ABCC1: variants seen among roughly 807,000 people sequenced by gnomAD.
ABCC1 encodes the protein ATP binding cassette subfamily C member 1 (ABCC1 blood group).
A neutral mutation model predicts 172.9 loss-of-function variants in ABCC1; 83 were observed. That is an observed-to-expected ratio of 0.48 (90% CI 0.40 to 0.58). ABCC1 has a LOEUF of 0.58. ABCC1 is among the 20% of genes least tolerant of loss of function. The pLI is 0.00. For missense variants in ABCC1, 1,817 were observed against 2,002.7 expected, an observed-to-expected ratio of 0.91 and a Z score of 1.77; for synonymous variants, 937 against 825.2, an observed-to-expected ratio of 1.14 and a Z score of -2.32.
At chr16:16,130,131 G>A (rs536917461) in intron 26 of ABCC1, among the ~76,000 whole-genome samples, 8 of 152,306 alleles carry the variant, frequency 5.3e-5, no homozygotes, top group African/African-American at 1.9e-4. Context: ...CTGTGTCTCA[G>A]TCTCCTTGTG....
chr16:16,106,001 C>T (rs1253949228), intron 20 of ABCC1, among the ~76,000 whole-genome samples: 1 of 151,862 alleles, frequency 6.6e-6, no homozygotes, highest in Non-Finnish European at 1.5e-5. Flanking sequence ...CTCAACCTCC[C>T]AAGTAGTTGG....
intron 1 of ABCC1, among the ~76,000 whole-genome samples, chr16:15,982,155 C>T (rs2046635984): frequency 6.6e-6 from 1 of 152,160 alleles, no homozygotes. Flanking sequence ...CTCTTCTGAG[C>T]CCTCCAAACT....
At chr16:16,073,471 G>A (rs1036587650) in intron 14 of ABCC1, among the ~76,000 whole-genome samples, 1 of 152,192 alleles carries the variant, frequency 6.6e-6, no homozygotes, top group Non-Finnish European at 1.5e-5. Context: ...AGATGAAAAA[G>A]TGAGGCACAG....
chr16:16,139,855 A>G (rs959161134), intron 30 of ABCC1, among the ~76,000 whole-genome samples: 2 of 152,134 alleles, frequency 1.3e-5, no homozygotes, highest in African/African-American at 4.8e-5. Context: ...AAAAGGAGTC[A>G]GCCTTGAGAA....
In ABCC1 at chr16:16,009,580, C is replaced by T. The variant is rs551931942; in HGVS notation, c.226-196C>T. On this transcript the variant is annotated intron_variant, in intron 2 of 30. Coordinates refer to ENST00000399410, the MANE Select transcript of ABCC1 (RefSeq NM_004996.4). ...GTAGCAGGCTGATTACAGACCATCA[C>T]GTGCCGGCCTGGATGCCAGCTCACC... is the stretch of plus-strand genomic sequence containing the variant. 6.6e-5 allele frequency among the ~76,000 whole-genome samples: 10 copies of T among 152,260 alleles called. No individual in the cohort carries two copies. In the South Asian group the frequency reaches 1.0e-3, roughly 16 times the overall value.
At chr16:16,089,758 TC>T (rs1158852626) in intron 18 of ABCC1, among the ~76,000 whole-genome samples, 3 of 148,354 alleles carry the variant, frequency 2.0e-5, no homozygotes, top group Admixed American at 6.8e-5. Context: ...GCGCATGTAA[TC>T]CCAGCTACGC....
chr16:16,050,438 A>C (rs990337865), intron 10 of ABCC1, among the ~76,000 whole-genome samples: 2 of 152,174 alleles, frequency 1.3e-5, no homozygotes, highest in Admixed American at 1.3e-4. Context: ...CAGCTTGGGC[A>C]ACAGAGCGAG....
At position 16,143,049 on chromosome 16, in the gene ABCC1, A is replaced by C. The variant is rs1425704759; in HGVS notation, c.*1768A>C. On this transcript the variant is annotated 3_prime_UTR_variant, in exon 31 of 31. Transcript: ENST00000399410. ...ATTTGCAGTAAAAAAATATATATAT[A>C]TCTATATATTTTATTTCTTTCTAAA... is the stretch of plus-strand genomic sequence containing the variant. 1 of 152,092 alleles carries C rather than the reference A, an allele frequency of 6.6e-6. No individual in the cohort carries two copies. The highest frequency in any genetic ancestry group is 1.5e-5 in the Non-Finnish European group (1 of 68,010). 9.4% of individuals were successfully genotyped at this position (152,092 alleles called of 1,614,324 possible).
chr16:16,030,644 T>G (rs1197017651), intron 5 of ABCC1, among the ~76,000 whole-genome samples: 2 of 151,894 alleles, frequency 1.3e-5, no homozygotes, highest in African/African-American at 4.8e-5. Flanking sequence ...GCTTGGCTCT[T>G]GAGCCTTTTA....
At chr16:16,094,688 T>G (rs1792731933) in intron 19 of ABCC1, among the ~76,000 whole-genome samples, 1 of 150,932 alleles carries the variant, frequency 6.6e-6, no homozygotes, top group Non-Finnish European at 1.5e-5. Context: ...TAATTTTTTT[T>G]GTATTTTTAG....
rs1347909973 is a variant in ABCC1 at position 16,052,610 on chromosome 16, T to G, written c.1381-114T>G. 4 of 911,574 alleles carry G rather than the reference T, an allele frequency of 4.4e-6. No individual in the cohort carries two copies. In the African/African-American group the frequency reaches 6.5e-5, roughly 15 times the overall value. 56.5% of individuals were successfully genotyped at this position (911,574 alleles called of 1,614,324 possible). A position where few individuals can be genotyped will look rare whatever the true frequency, so the allele number is the denominator to read the frequency against. On this transcript the variant is annotated intron_variant, in intron 10 of 30. Transcript: ENST00000399410. ...TATTGTGGGGTAAAAGTAACACACC[T>G]TGCCCTGAACTTGGTCAGCAGCATC...
intron 18 of ABCC1, among the ~76,000 whole-genome samples, chr16:16,087,907 T>G (rs769863594): frequency 1.3e-5 from 2 of 152,224 alleles, no homozygotes; most frequent in Non-Finnish European, 2.9e-5. Context: ...TGTATAAACT[T>G]TTTAAATAGG....
At chr16:16,117,602 C>T (rs1289569707) in intron 23 of ABCC1, among the ~76,000 whole-genome samples, 2 of 152,186 alleles carry the variant, frequency 1.3e-5, no homozygotes, top group African/African-American at 2.4e-5. Context: ...CATTGCACTT[C>T]CCAGCAAAAA....
chr16:15,991,292 T>C (rs75008702), intron 1 of ABCC1, among the ~76,000 whole-genome samples: 39 of 149,304 alleles, frequency 2.6e-4, no homozygotes, highest in Admixed American at 1.5e-3. Flanking sequence ...TGTGGTGGGG[T>C]GCGGGGGGCT....
chr16:16,105,924 T>A (rs2052074593), intron 20 of ABCC1, among the ~76,000 whole-genome samples: 1 of 147,706 alleles, frequency 6.8e-6, no homozygotes, highest in African/African-American at 2.5e-5. Context: ...TCGCTGAGGC[T>A]GGAGTGCAGT....
intron 12 of ABCC1, among the ~76,000 whole-genome samples, chr16:16,060,576 G>A (rs962527757): frequency 6.6e-5 from 10 of 152,060 alleles, no homozygotes; most frequent in African/African-American, 2.4e-4. Flanking sequence ...AGGCTGAAGT[G>A]CAGTGGTGCC....
chr16:15,966,320 G>A (rs1319410197), intron 1 of ABCC1, among the ~76,000 whole-genome samples: 3 of 151,750 alleles, frequency 2.0e-5, no homozygotes, highest in Non-Finnish European at 4.4e-5. Flanking sequence ...GCTGAGGCGG[G>A]AGAATTGCTT....
intron 1 of ABCC1, among the ~76,000 whole-genome samples, chr16:15,970,059 G>A (rs1342708637): frequency 1.3e-5 from 2 of 152,152 alleles, no homozygotes; most frequent in African/African-American, 4.8e-5. Context: ...AGAGAAAAAA[G>A]GAGACTCCTT....
chr16:15,983,801 C>G (rs1022250271), intron 1 of ABCC1, among the ~76,000 whole-genome samples: 4 of 152,122 alleles, frequency 2.6e-5, no homozygotes, highest in Non-Finnish European at 5.9e-5. Flanking sequence ...AGTGATTCGC[C>G]TGCCTCAGCC....
Sources: allele counts gnomAD v4.1 joint callset (sites outside exome capture counted in the v4.1 genomes callset), GRCh38; gene constraint gnomAD v4.1.1; transcripts MANE v1.5; gene names NCBI Gene and HGNC (gene_info 2026-07-23, HGNC 2026-07-21).